Variants in FAM241B observed in about 807,000 individuals in gnomAD.
The protein encoded by FAM241B is protein FAM241B.
Under a neutral mutation model 9.3 loss-of-function variants are expected in FAM241B, and 7 were observed. That is an observed-to-expected ratio of 0.75 (90% CI 0.43 to 1.41). The LOEUF (loss-of-function observed/expected upper bound fraction) is 1.41. Among genes scored for constraint, FAM241B ranks in the 40% most tolerant of loss-of-function variants. The pLI is 0.01. For missense variants in FAM241B, 136 were observed against 159.6 expected (o/e 0.85, Z 0.80); for synonymous variants, 60 against 64.1 (o/e 0.94, Z 0.31).
At chr10:69,630,584 C>T (rs959809286) in intron 1 of FAM241B, 2 of 1,245,488 alleles carry the variant, frequency 1.6e-6, no homozygotes, top group African/African-American at 3.1e-5. Context: ...GCGCCTGTCC[C>T]GGGCTCCAGG....
chr10:69,631,545 C>T lies in FAM241B; in HGVS notation c.-38C>T. Reference sequence around the variant, plus strand: ...ACTGACTGCAAGCCTCCCTCAATTTCTGGTAAATTTTTTCCTTCAAGCTTT... The same window carrying T: ...ACTGACTGCAAGCCTCCCTCAATTTTTGGTAAATTTTTTCCTTCAAGCTTT... On this transcript the variant is annotated splice_region_variant and 5_prime_UTR_variant, in exon 2 of 4. Transcript: ENST00000373279. The T allele has an allele frequency of 6.5e-7, 1 of 1,545,058 alleles. No homozygotes were observed. The highest frequency in any genetic ancestry group is 8.7e-7 in the Non-Finnish European group (1 of 1,143,888).
intron 3 of FAM241B, 45 bp from the exon 4 acceptor site, chr10:69,632,745 G>C (rs2616088): frequency 0.68 from 1,077,043 of 1,588,818 alleles, 367,718 homozygotes; most frequent in East Asian, 0.88. Flanking sequence ...TGGCTGGTGC[G>C]TCAACCCAAT....
intron 3 of FAM241B, among the ~76,000 whole-genome samples, 187 bp downstream of exon 3, chr10:69,632,026 A>C (rs1439727038): frequency 6.6e-6 from 1 of 152,044 alleles, no homozygotes; most frequent in Non-Finnish European, 1.5e-5. Context: ...GCGCCTCCCC[A>C]GACTTCACAG....
chr10:69,630,483 G>C, intron 1 of FAM241B, 170 bp downstream of exon 1: 1 of 325,188 alleles, frequency 3.1e-6, no homozygotes, highest in South Asian at 8.6e-5. Context: ...TGGCCCACCG[G>C]GCGGGGGCGC....
intron 1 of FAM241B, among the ~76,000 whole-genome samples, chr10:69,631,241 C>G (rs1023335651): frequency 6.6e-6 from 1 of 152,212 alleles, no homozygotes; most frequent in Non-Finnish European, 1.5e-5. Context: ...CGCGCTAGTA[C>G]CCTCCTCGGG....
intron 3 of FAM241B, among the ~76,000 whole-genome samples, chr10:69,632,085 A>T (rs1315365075): frequency 6.6e-6 from 1 of 152,154 alleles, no homozygotes; most frequent in Non-Finnish European, 1.5e-5. Context: ...CACTGGAGCT[A>T]GCGTCTTTCT....
rs1350917580 is a variant in FAM241B at position 69,633,289 on chromosome 10, G to A, written c.*230G>A. The A allele has an allele frequency of 3.3e-6, 2 of 611,324 alleles. No homozygotes were observed. Among genetic ancestry groups the A allele is most frequent in the Non-Finnish European group, 5.7e-6 (2 of 352,658 alleles). The allele number at this position is 611,324 out of a possible 1,614,324, so 37.9% of individuals were successfully genotyped here. A position where few individuals can be genotyped will look rare whatever the true frequency, so the allele number is the denominator to read the frequency against. ...TTCCCAAGATACTTTTAGGTGGTAT[G>A]GGGCCTGCATTAAGTGGCACAAAAT... On this transcript the variant is annotated 3_prime_UTR_variant, in exon 4 of 4. Coordinates refer to ENST00000373279, the MANE Select transcript of FAM241B (RefSeq NM_145306.3).
chr10:69,630,661 T>C, intron 1 of FAM241B: 1 of 1,298,594 alleles, frequency 7.7e-7, no homozygotes, highest in Non-Finnish European at 1.0e-6. Context: ...ATCTGGAATG[T>C]AGGTGGACAC....
rs913640343 is a variant in FAM241B at position 69,632,821 on chromosome 10, C to G, written c.128C>G (p.Pro43Arg). Reference sequence around the variant, plus strand: ...TTCAACAGGGGCCATGGTGCTCCCCCAGGGGGTCCTGGCCCCCGCCAGCAG... The same window carrying G: ...TTCAACAGGGGCCATGGTGCTCCCCGAGGGGGTCCTGGCCCCCGCCAGCAG... ...SFFNRGHGAP[P>R]GGPGPRQQQA... Residue 43 changes from proline to arginine, a missense_variant, in exon 4 of 4, where the codon CCA (proline) becomes CGA (arginine). Transcript: ENST00000373279. 4 of 1,613,724 alleles carry G rather than the reference C, an allele frequency of 2.5e-6. No individual in the cohort carries two copies. Among genetic ancestry groups the G allele is most frequent in the Non-Finnish European group, 1.7e-6 (2 of 1,179,874 alleles).
rs2133259204 is a variant in FAM241B, at chr10:69,633,366, G to A, written c.*307G>A. ...AATTCTCTCAATCCTTTTATGCCGA[G>A]AAGATCTCAGCTGGATGCCAACATG... On this transcript the variant is annotated 3_prime_UTR_variant, in exon 4 of 4. Transcript: ENST00000373279. 1 of 421,232 alleles carries A rather than the reference G, an allele frequency of 2.4e-6. No homozygotes were observed. The highest frequency in any genetic ancestry group is 4.7e-5 in the East Asian group (1 of 21,150). 26.1% of individuals were successfully genotyped at this position (421,232 alleles called of 1,614,324 possible). A position where few individuals can be genotyped will look rare whatever the true frequency, so the allele number is the denominator to read the frequency against.
At position 69,632,826 on chromosome 10, in the gene FAM241B, G is replaced by A; in HGVS notation, c.133G>A (p.Gly45Ser). 1 of 1,613,954 alleles carries A rather than the reference G, an allele frequency of 6.2e-7. No homozygotes were observed. Among genetic ancestry groups the A allele is most frequent in the Non-Finnish European group, 8.5e-7 (1 of 1,179,910 alleles). ...CAGGGGCCATGGTGCTCCCCCAGGG[G>A]GTCCTGGCCCCCGCCAGCAGCAGGC... Reference protein sequence around the residue: ...FNRGHGAPPGGPGPRQQQAGA... With the variant: ...FNRGHGAPPGSPGPRQQQAGA... The change falls in exon 4 of 4, where the codon GGT (glycine) becomes AGT (serine). Residue 45 changes from glycine to serine, a missense_variant. By Grantham distance (56) the Gly-to-Ser change is moderately conservative. Coordinates refer to ENST00000373279, the MANE Select transcript of FAM241B (RefSeq NM_145306.3).
At position 69,632,772 on chromosome 10, in the gene FAM241B, T is replaced by C; in HGVS notation, c.97-18T>C. The C allele has an allele frequency of 3.1e-6, 5 of 1,609,172 alleles. No individual in the cohort carries two copies. The highest frequency in any genetic ancestry group is 4.2e-6 in the Non-Finnish European group (5 of 1,177,972). On this transcript the variant is annotated intron_variant, in intron 3 of 3. Coordinates refer to ENST00000373279, the MANE Select transcript of FAM241B (RefSeq NM_145306.3). ...CAACCCAATGATTCATTCATCTCTC[T>C]CTGTCTTCACATTCCAGAGCTTCTT...
Position 69,631,839 on chromosome 10 carries a change from G to A in FAM241B, c.96G>A (p.Gln32=). The A allele has an allele frequency of 1.2e-6, 2 of 1,607,926 alleles. No individual in the cohort carries two copies. The highest frequency in any genetic ancestry group is 1.7e-6 in the Non-Finnish European group (2 of 1,177,770). ...CACCAAGAGGTAGCATTCCTCGACA[G>A]GTAGGTACTCATTTCCTGTGGAGTG... The part of the protein sequence containing the change: ...TQPPRGSIPR[Q]SFFNRGHGAP... Residue 32 remains glutamine (Q), a splice_region_variant and synonymous_variant, in exon 3 of 4, where the codon CAG becomes CAA. Transcript: ENST00000373279.
chr10:69,630,526 A>C (rs1839799157), intron 1 of FAM241B: 1 of 796,316 alleles, frequency 1.3e-6, no homozygotes, highest in Admixed American at 4.7e-5. Flanking sequence ...GCGCGCGACC[A>C]CCATCCGCTC....
chr10:69,633,179 C>A lies in FAM241B; in HGVS notation c.*120C>A. ...GAAGGTATGATCAGAGAGGGGACCA[C>A]AGGTGTGTGTTTCCCCTTTGTGTTA... On this transcript the variant is annotated 3_prime_UTR_variant, in exon 4 of 4. Transcript: ENST00000373279. 7.2e-7 allele frequency: 1 copy of A among 1,382,748 alleles called. No individual in the cohort carries two copies. Among genetic ancestry groups the A allele is most frequent in the Non-Finnish European group, 9.9e-7 (1 of 1,007,270 alleles). The allele number at this position is 1,382,748 out of a possible 1,614,324, so 85.7% of individuals were successfully genotyped here.
At chr10:69,630,570 G>C in intron 1 of FAM241B, 1 of 1,180,044 alleles carries the variant, frequency 8.5e-7, no homozygotes, top group Non-Finnish European at 1.1e-6. Flanking sequence ...TTCAGGAGGG[G>C]GACGCGCCTG....
In FAM241B at chr10:69,633,090, G is replaced by A; in HGVS notation, c.*31G>A. The A allele has an allele frequency of 1.2e-6, 2 of 1,611,546 alleles. No individual in the cohort carries two copies. The highest frequency in any genetic ancestry group is 1.7e-6 in the Non-Finnish European group (2 of 1,178,502). Reference sequence around the variant, plus strand: ...GAGGGCTGATAGGGGTGGGTTTGTTGAGAGGGACTTGCTGGGCCTTGGTGT... The same window carrying A: ...GAGGGCTGATAGGGGTGGGTTTGTTAAGAGGGACTTGCTGGGCCTTGGTGT... On this transcript the variant is annotated 3_prime_UTR_variant, in exon 4 of 4. Transcript: ENST00000373279.
intron 3 of FAM241B, among the ~76,000 whole-genome samples, chr10:69,632,457 CAAAAAAAAA>C (rs58019486): frequency 9.2e-6 from 1 of 109,022 alleles, no homozygotes. Flanking sequence ...GACTCCGTCT[CAAAAAAAAA>C]AAAAAAAAAA....
chr10:69,633,115 T>C lies in FAM241B; in HGVS notation c.*56T>C. 6.3e-7 allele frequency: 1 copy of C among 1,597,140 alleles called. No individual in the cohort carries two copies. Among genetic ancestry groups the C allele is most frequent in the Admixed American group, 1.7e-5 (1 of 59,606 alleles). ...GAGAGGGACTTGCTGGGCCTTGGTG[T>C]GAGAGCAGGCATATTTGGAGGGGAT... On this transcript the variant is annotated 3_prime_UTR_variant, in exon 4 of 4. Transcript: ENST00000373279.
Sources: allele counts gnomAD v4.1 joint callset (sites outside exome capture counted in the v4.1 genomes callset), GRCh38; gene constraint gnomAD v4.1.1; transcripts MANE v1.5; gene names NCBI Gene and HGNC (gene_info 2026-07-23, HGNC 2026-07-21).